ZNG1E: variants seen among roughly 807,000 people sequenced by gnomAD.
The protein encoded by ZNG1E is Zn regulated GTPase metalloprotein activator 1E.
the ZNG1E span, among the ~76,000 whole-genome samples, chr9:65,677,413 T>A: frequency 2.0e-5 from 3 of 152,088 alleles, no homozygotes; most frequent in African/African-American, 7.2e-5. Context: ...TCTGGCTTCT[T>A]TTTAAGGCTC....
chr9:65,665,959 GGAAGTAACTAAC>G, the ZNG1E span, among the ~76,000 whole-genome samples: 1 of 151,328 alleles, frequency 6.6e-6, no homozygotes, highest in East Asian at 1.9e-4. Context: ...ATTATATCTA[GGAAGTAACTAAC>G]TCGCTTTTGA....
chr9:65,687,947 A>G, the ZNG1E span, among the ~76,000 whole-genome samples: 1 of 150,870 alleles, frequency 6.6e-6, no homozygotes, highest in Non-Finnish European at 1.5e-5. Flanking sequence ...TTCCTTGTTT[A>G]TTACCATGAA....
chr9:65,660,660 G>A, the ZNG1E span, among the ~76,000 whole-genome samples: 2 of 151,688 alleles, frequency 1.3e-5, no homozygotes, highest in Non-Finnish European at 2.9e-5. Context: ...CAAGAATGAA[G>A]CTATTGTGGT....
the ZNG1E span, among the ~76,000 whole-genome samples, chr9:65,680,609 C>G: frequency 6.6e-6 from 1 of 152,166 alleles, no homozygotes; most frequent in African/African-American, 2.4e-5. Context: ...TAAAACTACT[C>G]GATTTTATGG....
the ZNG1E span, chr9:65,682,777 T>TTAG: frequency 2.2e-6 from 1 of 447,334 alleles, no homozygotes; most frequent in Non-Finnish European, 4.0e-6. Flanking sequence ...GACAATGGCC[T>TTAG]TAGAGCTATT....
the ZNG1E span, among the ~76,000 whole-genome samples, chr9:65,658,210 C>T: frequency 1.3e-5 from 2 of 149,294 alleles, no homozygotes; most frequent in Non-Finnish European, 2.9e-5. Flanking sequence ...AAAATATCCA[C>T]AGAGGCGTAA....
chr9:65,674,057 A>G, the ZNG1E span, among the ~76,000 whole-genome samples: 1 of 151,832 alleles, frequency 6.6e-6, no homozygotes. Flanking sequence ...CTTATGAACC[A>G]TTGTGTTTAG....
the ZNG1E span, among the ~76,000 whole-genome samples, chr9:65,691,419 ATTG>A: frequency 2.0e-5 from 3 of 151,758 alleles, no homozygotes; most frequent in Admixed American, 1.3e-4. Flanking sequence ...GGTTAAGCTT[ATTG>A]TTGTTCATTC....
chr9:65,720,005 G>T, the ZNG1E span: 1 of 1,599,714 alleles, frequency 6.3e-7, no homozygotes, highest in African/African-American at 1.4e-5. Context: ...AATCAGAAGT[G>T]TATTAATCTC....
At chr9:65,691,033 T>G in the ZNG1E span, 3 of 1,592,932 alleles carry the variant, frequency 1.9e-6, no homozygotes, top group Non-Finnish European at 2.6e-6. Flanking sequence ...GATGGTAAGT[T>G]AAAAAACAGT....
the ZNG1E span, among the ~76,000 whole-genome samples, chr9:65,709,917 A>G: frequency 7.2e-5 from 11 of 151,836 alleles, no homozygotes; most frequent in East Asian, 7.7e-4. Flanking sequence ...TAGATCCCTG[A>G]GGAATCACCA....
chr9:65,659,018 G>A, the ZNG1E span, among the ~76,000 whole-genome samples: 10 of 152,078 alleles, frequency 6.6e-5, no homozygotes, highest in Non-Finnish European at 1.3e-4. Flanking sequence ...GTGAATTTTG[G>A]TGGAAAGTGG....
the ZNG1E span, among the ~76,000 whole-genome samples, chr9:65,677,858 C>G: frequency 6.6e-6 from 1 of 151,626 alleles, no homozygotes; most frequent in Non-Finnish European, 1.5e-5. Context: ...TACTGTGACT[C>G]CTCTGGCTAG....
the ZNG1E span, among the ~76,000 whole-genome samples, chr9:65,671,624 T>C: frequency 6.6e-6 from 1 of 152,246 alleles, no homozygotes; most frequent in African/African-American, 2.4e-5. Flanking sequence ...CTGGCTGAGA[T>C]TGCTTTTTTC....
the ZNG1E span, among the ~76,000 whole-genome samples, chr9:65,684,661 C>T: frequency 3.4e-4 from 52 of 151,738 alleles, no homozygotes; most frequent in Non-Finnish European, 2.5e-4. Flanking sequence ...GCAGCCTCAG[C>T]CTCAGCTGGG....
the ZNG1E span, among the ~76,000 whole-genome samples, chr9:65,717,923 G>A: frequency 6.8e-6 from 1 of 146,302 alleles, no homozygotes; most frequent in Admixed American, 6.9e-5. Context: ...CTGGGCTTAA[G>A]TGATCTGCCC....
the ZNG1E span, among the ~76,000 whole-genome samples, chr9:65,660,631 A>G: frequency 3.3e-5 from 5 of 151,818 alleles, no homozygotes; most frequent in African/African-American, 1.2e-4. Context: ...GTGTCCAGAA[A>G]GGCTAGAGAA....
the ZNG1E span, among the ~76,000 whole-genome samples, chr9:65,660,867 T>G: frequency 6.9e-6 from 1 of 145,160 alleles, no homozygotes; most frequent in Non-Finnish European, 1.5e-5. Context: ...AATAAAAATT[T>G]ATATATAAAT....
chr9:65,693,013 A>T, the ZNG1E span, among the ~76,000 whole-genome samples: 4 of 152,252 alleles, frequency 2.6e-5, no homozygotes, highest in South Asian at 2.1e-4. Context: ...ATGAGTTTTT[A>T]AAAAATATTG....
Sources: allele counts gnomAD v4.1 joint callset (sites outside exome capture counted in the v4.1 genomes callset), GRCh38; gene constraint gnomAD v4.1.1; transcripts MANE v1.5; gene names NCBI Gene and HGNC (gene_info 2026-07-23, HGNC 2026-07-21).